Variants in PODN observed in about 807,000 individuals in gnomAD.
The protein encoded by PODN is podocan proteoglycan.
Under a neutral mutation model 52.7 loss-of-function variants are expected in PODN, and 40 were observed. That is an observed-to-expected ratio of 0.76 (90% CI 0.59 to 0.99). The LOEUF is 0.99. Among genes scored for constraint, PODN ranks in the 50% least tolerant of loss-of-function variants. The pLI is 0.00. For synonymous variants in PODN, 396 were observed against 377.9 expected (o/e 1.05, Z -0.56); for missense variants, 720 against 815.1 (o/e 0.88, Z 1.42).
chr1:53,074,812 GGT>G, intron 4 of PODN, 142 bp downstream of exon 4: 44 of 481,088 alleles, frequency 9.1e-5, no homozygotes, highest in South Asian at 1.1e-4. Context: ...CTGGGTCGGG[GGT>G]GGGGGAGACA....
intron 8 of PODN, among the ~76,000 whole-genome samples, chr1:53,080,115 C>G (rs1644260947): frequency 6.6e-6 from 1 of 152,184 alleles, no homozygotes; most frequent in Non-Finnish European, 1.5e-5. Flanking sequence ...ACCCACTTTC[C>G]TGACTGCCCT....
chr1:53,082,565 G>C (rs1188049777), intron 10 of PODN, among the ~76,000 whole-genome samples: 1 of 152,160 alleles, frequency 6.6e-6, no homozygotes, highest in Admixed American at 6.5e-5. Flanking sequence ...GAGTGAGTGA[G>C]GGGGGCAGGT....
intron 1 of PODN, among the ~76,000 whole-genome samples, chr1:53,064,718 C>T (rs1211244164): frequency 6.6e-6 from 1 of 152,208 alleles, no homozygotes; most frequent in African/African-American, 2.4e-5. Flanking sequence ...GTATGTCACA[C>T]CTATTTGATG....
chr1:53,068,027 AC>A (rs1411710224), intron 1 of PODN, among the ~76,000 whole-genome samples: 4 of 149,298 alleles, frequency 2.7e-5, no homozygotes, highest in African/African-American at 1.0e-4. Flanking sequence ...AGGGGTGCAG[AC>A]CATGCCCATG....
At position 53,078,987 on chromosome 1, in the gene PODN, G is replaced by A; in HGVS notation, c.1477G>A (p.Gly493Ser). ...CAACCGACTGCGCAGCCGAGCCCTG[G>A]GCCCCCGTGCCTGGGTGGACCTCGC... ...TSNRLRSRAL[G>S]PRAWVDLAHL... Residue 493 changes from glycine to serine, a missense_variant, in exon 8 of 11, where the codon GGC (glycine) becomes AGC (serine). Gly to Ser is a moderately conservative substitution (Grantham distance 56, BLOSUM62 0). Transcript: ENST00000312553. 1.9e-6 allele frequency: 3 copies of A among 1,567,982 alleles called. No homozygotes were observed. Among genetic ancestry groups the A allele is most frequent in the Non-Finnish European group, 2.6e-6 (3 of 1,155,890 alleles).
intron 10 of PODN, among the ~76,000 whole-genome samples, 174 bp downstream of exon 10, chr1:53,082,362 G>C (rs1644308341): frequency 6.6e-6 from 1 of 152,214 alleles, no homozygotes; most frequent in South Asian, 2.1e-4. Context: ...AAAGGTTGAA[G>C]CCTACGGGAG....
chr1:53,074,102 G>A lies in PODN; in HGVS notation c.407-504G>A, dbSNP rs1644158440. Among the ~76,000 whole-genome samples the A allele has an allele frequency of 2.0e-5, 3 of 152,228 alleles. No individual in the cohort carries two copies. In the South Asian group the frequency reaches 6.2e-4, roughly 32 times the overall value. On this transcript the variant is annotated intron_variant, in intron 3 of 10. Coordinates refer to ENST00000312553, the MANE Select transcript of PODN (RefSeq NM_153703.5). ...TCTGGGGGTCTTGGAGCCCAGAAAC[G>A]AGAGTCAGAGGCCAGCCTGGCAGGG...
intron 3 of PODN, among the ~76,000 whole-genome samples, chr1:53,072,264 A>G (rs975802655): frequency 1.3e-5 from 2 of 152,212 alleles, no homozygotes; most frequent in African/African-American, 4.8e-5. Flanking sequence ...TAATTCTGCA[A>G]TTACGAAAGA....
At chr1:53,069,681 A>C in intron 1 of PODN, 120 bp from the exon 2 acceptor site, 2 of 1,388,482 alleles carry the variant, frequency 1.4e-6, no homozygotes, top group African/African-American at 1.5e-5. Context: ...GCAGGTGCGG[A>C]GGGCAGCAGT....
chr1:53,082,694 C>T (rs1346727243), intron 10 of PODN, among the ~76,000 whole-genome samples: 5 of 152,176 alleles, frequency 3.3e-5, no homozygotes, highest in Admixed American at 6.5e-5. Context: ...CAAATGCACA[C>T]GGATGCACCA....
At chr1:53,077,882 A>C in intron 7 of PODN, 82 bp downstream of exon 7, 1 of 1,166,130 alleles carries the variant, frequency 8.6e-7, no homozygotes, top group Non-Finnish European at 1.2e-6. Context: ...AGCCCAGCCC[A>C]GCCCCTCACG....
At position 53,078,671 on chromosome 1, in the gene PODN, C is replaced by G; in HGVS notation, c.1161C>G (p.Ile387Met). The change falls in exon 8 of 11, where the codon ATC becomes ATG. Residue 387 changes from isoleucine to methionine, a missense_variant. Ile to Met is a conservative substitution (Grantham distance 10). Transcript: ENST00000312553. ...GLPRRVRTLM[I>M]LHNQITGIGR... ...CTCGCCGCGTGCGCACCCTCATGAT[C>G]CTGCACAACCAGATCACAGGCATTG... 2 of 1,613,264 alleles carry G rather than the reference C, an allele frequency of 1.2e-6. No homozygotes were observed. The highest frequency in any genetic ancestry group is 1.7e-6 in the Non-Finnish European group (2 of 1,179,986).
At chr1:53,079,081 C>T in intron 8 of PODN, 59 bp downstream of exon 8, 1 of 1,446,728 alleles carries the variant, frequency 6.9e-7, no homozygotes, top group Non-Finnish European at 9.1e-7. Context: ...GCATGGCTGC[C>T]CTGAGCCCAC....
At chr1:53,065,881 A>G (rs1443355642) in intron 1 of PODN, among the ~76,000 whole-genome samples, 4 of 151,998 alleles carry the variant, frequency 2.6e-5, no homozygotes, top group Non-Finnish European at 5.9e-5. Flanking sequence ...ATCCCTTAGA[A>G]TGGGATTATA....
At chr1:53,068,626 G>C (rs544153916) in intron 1 of PODN, among the ~76,000 whole-genome samples, 33 of 152,208 alleles carry the variant, frequency 2.2e-4, no homozygotes, top group Middle Eastern at 3.4e-3. Context: ...TATCTGCATT[G>C]TACAGACAAC....
chr1:53,067,205 C>A (rs1351551991), intron 1 of PODN, among the ~76,000 whole-genome samples: 1 of 152,086 alleles, frequency 6.6e-6, no homozygotes, highest in African/African-American at 2.4e-5. Flanking sequence ...TGCCGGGCTC[C>A]CTGTTTCTCT....
chr1:53,080,250 T>C (rs1644275836), intron 8 of PODN, among the ~76,000 whole-genome samples: 2 of 152,164 alleles, frequency 1.3e-5, no homozygotes, highest in African/African-American at 4.8e-5. Context: ...CTGAGGTCCA[T>C]AAGTGAGCAG....
chr1:53,078,767 G>T lies in PODN; in HGVS notation c.1257G>T (p.Pro419=), dbSNP rs1288388. The T allele has an allele frequency of 8.7e-6, 14 of 1,613,152 alleles. No homozygotes were observed. Among genetic ancestry groups the T allele is most frequent in the African/African-American group, 5.3e-5 (4 of 74,928 alleles). ...TCAGCTACAACCGCATCACCAGCCC[G>T]CAGGTGCACCGCGACGCCTTCCGCA... The part of the protein sequence containing the change: ...LNLSYNRITS[P]QVHRDAFRKL... Residue 419 remains proline (P), a synonymous_variant, in exon 8 of 11, where the codon CCG becomes CCT. Transcript: ENST00000312553.
intron 4 of PODN, among the ~76,000 whole-genome samples, chr1:53,075,418 A>G (rs1310114603): frequency 6.6e-6 from 1 of 152,132 alleles, no homozygotes; most frequent in Non-Finnish European, 1.5e-5. Context: ...CTTCCTCACC[A>G]TGTCCAGTCC....
Sources: gnomAD v4.1 joint callset for allele counts (sites outside exome capture counted in the v4.1 genomes callset) on GRCh38, gnomAD v4.1.1 for gene constraint, MANE v1.5 for transcripts, NCBI Gene and HGNC (gene_info 2026-07-23, HGNC 2026-07-21) for gene names.